Variants in EGFR observed in about 807,000 individuals in gnomAD.
The protein encoded by EGFR is avian erythroblastic leukemia viral (v-erb-b) oncogene homolog.
A neutral mutation model predicts 143.0 loss-of-function variants in EGFR; 58 were observed. That is an observed-to-expected ratio of 0.41 (90% CI 0.33 to 0.50). EGFR has a LOEUF of 0.50. Among genes scored for constraint, EGFR ranks in the 20% least tolerant of loss-of-function variants. The pLI is 0.39. For missense variants in EGFR, 1,307 were observed against 1,579.0 expected, an observed-to-expected ratio of 0.83 and a Z score of 2.92; for synonymous variants, 613 against 594.4, an observed-to-expected ratio of 1.03 and a Z score of -0.45.
At chr7:55,023,615 C>T (rs909041821) in intron 1 of EGFR, among the ~76,000 whole-genome samples, 6 of 141,912 alleles carry the variant, frequency 4.2e-5, no homozygotes, top group Non-Finnish European at 7.5e-5. Flanking sequence ...CGCACCATTG[C>T]ACTCCAGCCC....
chr7:55,108,316 G>C (rs1487723285), intron 1 of EGFR, among the ~76,000 whole-genome samples: 1 of 152,234 alleles, frequency 6.6e-6, no homozygotes, highest in Non-Finnish European at 1.5e-5. Flanking sequence ...CACGCACAGG[G>C]GCCGTATCAC....
At chr7:55,022,533 G>C (rs751475505) in intron 1 of EGFR, among the ~76,000 whole-genome samples, 14 of 152,198 alleles carry the variant, frequency 9.2e-5, no homozygotes, top group Non-Finnish European at 1.9e-4. Flanking sequence ...TCAGGCTTCT[G>C]AGCTGTTGTT....
intron 1 of EGFR, among the ~76,000 whole-genome samples, chr7:55,090,966 GA>G (rs982945872): frequency 2.6e-5 from 4 of 152,198 alleles, no homozygotes; most frequent in Admixed American, 1.3e-4. Flanking sequence ...TATTAAATGT[GA>G]CTTTGCTTTT....
intron 1 of EGFR, among the ~76,000 whole-genome samples, chr7:55,103,833 C>T (rs1045289686): frequency 2.0e-5 from 3 of 152,224 alleles, no homozygotes; most frequent in Non-Finnish European, 2.9e-5. Context: ...ACTATTCATA[C>T]AGATTTCATC....
chr7:55,092,596 G>A (rs1791192185), intron 1 of EGFR, among the ~76,000 whole-genome samples: 1 of 152,130 alleles, frequency 6.6e-6, no homozygotes, highest in African/African-American at 2.4e-5. Flanking sequence ...TTATTGTTAA[G>A]ACAGTTTTTG....
intron 5 of EGFR, 64 bp from the exon 6 acceptor site, chr7:55,152,482 A>G: frequency 6.9e-7 from 1 of 1,446,178 alleles, no homozygotes; most frequent in Non-Finnish European, 9.7e-7. Context: ...GTGCTCTGCG[A>G]CATCCCTGGG....
rs1207508057 is a variant in EGFR at position 55,135,194 on chromosome 7, G to A, written c.89-7092G>A. Among the ~76,000 whole-genome samples, 4 of 152,008 alleles carry A rather than the reference G, an allele frequency of 2.6e-5. No homozygotes were observed. In the East Asian group the frequency reaches 7.7e-4, roughly 29 times the overall value. ...TGGATTCTTTTAATGGCTAGAAGGA[G>A]AATCATGGGGTTGGAAGTCCACCAG... On this transcript the variant is annotated intron_variant, in intron 1 of 27. Transcript: ENST00000275493.
At chr7:55,182,940 G>A (rs1380006084) in intron 20 of EGFR, among the ~76,000 whole-genome samples, 5 of 152,172 alleles carry the variant, frequency 3.3e-5, no homozygotes, top group Non-Finnish European at 7.4e-5. Context: ...GGCTGCATTT[G>A]TTTCCCAAGA....
intron 1 of EGFR, among the ~76,000 whole-genome samples, chr7:55,061,183 A>G (rs1789144349): frequency 6.6e-6 from 1 of 152,228 alleles, no homozygotes; most frequent in Non-Finnish European, 1.5e-5. Flanking sequence ...TTGGCCACTT[A>G]GTAATAGACG....
intron 22 of EGFR, among the ~76,000 whole-genome samples, chr7:55,197,583 T>C (rs910747089): frequency 2.8e-4 from 42 of 152,336 alleles, no homozygotes; most frequent in African/African-American, 8.2e-4. Context: ...CCTTGTCTTG[T>C]GTCAATTTTC....
chr7:55,137,906 T>A (rs1794241665), intron 1 of EGFR, among the ~76,000 whole-genome samples: 1 of 152,224 alleles, frequency 6.6e-6, no homozygotes, highest in African/African-American at 2.4e-5. Flanking sequence ...CTCCAGCATG[T>A]GCATTTGTTA....
In EGFR at chr7:55,208,714, G is replaced by A. The variant is rs948742385; in HGVS notation, c.*3097G>A. ...TCCAGCTGATGACACCAAAGCTTAGGTGTTTGCTGAAAGTTCTTGATGTTG... is the reference window on the plus strand; with the variant it reads ...TCCAGCTGATGACACCAAAGCTTAGATGTTTGCTGAAAGTTCTTGATGTTG... On this transcript the variant is annotated 3_prime_UTR_variant, in exon 28 of 28. Coordinates refer to ENST00000275493, the MANE Select transcript of EGFR (RefSeq NM_005228.5). 1.3e-5 allele frequency: 2 copies of A among 152,160 alleles called. No homozygotes were observed. Among genetic ancestry groups the A allele is most frequent in the Non-Finnish European group, 1.5e-5 (1 of 68,052 alleles). 9.4% of individuals were successfully genotyped at this position (152,160 alleles called of 1,614,324 possible).
chr7:55,146,426 G>A (rs908191412), intron 3 of EGFR, among the ~76,000 whole-genome samples, 180 bp from the exon 4 acceptor site: 18 of 152,018 alleles, frequency 1.2e-4, no homozygotes, highest in African/African-American at 3.1e-4. Context: ...CTCCTCCATG[G>A]CACCATCATT....
In EGFR at chr7:55,088,947, A is replaced by G. The variant is rs138594732; in HGVS notation, c.89-53339A>G. 3.4e-3 allele frequency among the ~76,000 whole-genome samples: 516 copies of G among 152,290 alleles called. 3 individuals carry two copies. Among genetic ancestry groups the G allele is most frequent in the South Asian group, 0.016 (75 of 4,826 alleles). ...AAATATTCCTCTTTGTAAAAAGTAT[A>G]ATGATTTCAGGAAATTAGAGGGTAA... On this transcript the variant is annotated intron_variant, in intron 1 of 27. Coordinates refer to ENST00000275493, the MANE Select transcript of EGFR (RefSeq NM_005228.5).
chr7:55,145,208 C>A (rs1019974752), intron 3 of EGFR, among the ~76,000 whole-genome samples: 1 of 152,164 alleles, frequency 6.6e-6, no homozygotes, highest in Non-Finnish European at 1.5e-5. Flanking sequence ...CTCCTCGCCC[C>A]GCCCCCTGCT....
At chr7:55,189,144 A>G (rs1787276275) in intron 20 of EGFR, among the ~76,000 whole-genome samples, 1 of 152,068 alleles carries the variant, frequency 6.6e-6, no homozygotes, top group African/African-American at 2.4e-5. Flanking sequence ...ATATACATAT[A>G]TATATATACA....
intron 1 of EGFR, among the ~76,000 whole-genome samples, chr7:55,139,897 C>T (rs924613275): frequency 5.3e-5 from 8 of 151,982 alleles, no homozygotes; most frequent in African/African-American, 1.9e-4. Flanking sequence ...GTTACTGTCT[C>T]CCAAATACAG....
chr7:55,151,948 A>T (rs1461057159), intron 5 of EGFR, among the ~76,000 whole-genome samples: 1 of 152,210 alleles, frequency 6.6e-6, no homozygotes, highest in African/African-American at 2.4e-5. Flanking sequence ...TGAACACAGC[A>T]CACTTTCCCA....
At chr7:55,040,008 A>G (rs1277778411) in intron 1 of EGFR, among the ~76,000 whole-genome samples, 1 of 152,198 alleles carries the variant, frequency 6.6e-6, no homozygotes, top group Admixed American at 6.5e-5. Context: ...CTCTTACTAT[A>G]CACTGATGGT....
Sources: gnomAD v4.1 joint callset for allele counts (sites outside exome capture counted in the v4.1 genomes callset) on GRCh38, gnomAD v4.1.1 for gene constraint, MANE v1.5 for transcripts, NCBI Gene and HGNC (gene_info 2026-07-23, HGNC 2026-07-21) for gene names.